Variants in SLC27A6 observed in about 807,000 individuals in gnomAD.
SLC27A6 encodes long-chain fatty acid transport protein 6.
A neutral mutation model predicts 63.9 loss-of-function variants in SLC27A6; 74 were observed. The observed-to-expected ratio is 1.16, with a 90% CI of 0.96 to 1.40. The LOEUF (loss-of-function observed/expected upper bound fraction) is 1.40, where lower values mean the gene tolerates loss of function less well. SLC27A6 is among the 40% of genes most tolerant of loss of function. The probability of loss-of-function intolerance (pLI) is 0.00; values close to 1 mark genes in which losing one functional copy is unlikely to be tolerated. For missense variants in SLC27A6, 794 were observed against 732.9 expected (o/e 1.08, Z -0.96); for synonymous variants, 287 against 260.8 (o/e 1.10, Z -0.97).
chr5:129,014,675 G>A (rs1751833909), intron 4 of SLC27A6, among the ~76,000 whole-genome samples: 1 of 152,094 alleles, frequency 6.6e-6, no homozygotes, highest in African/African-American at 2.4e-5. Flanking sequence ...GTGTAGGAAG[G>A]GCAAACTCCC....
intron 4 of SLC27A6, among the ~76,000 whole-genome samples, chr5:128,999,159 T>G (rs1311813786): frequency 6.6e-6 from 1 of 152,118 alleles, no homozygotes; most frequent in Non-Finnish European, 1.5e-5. Flanking sequence ...ATGAGTTAAC[T>G]CAAGTAGAAA....
chr5:128,998,486 T>C (rs1751232250), intron 4 of SLC27A6, among the ~76,000 whole-genome samples: 1 of 151,990 alleles, frequency 6.6e-6, no homozygotes, highest in Admixed American at 6.6e-5. Context: ...TCCATATAAA[T>C]AGATCATGAT....
intron 4 of SLC27A6, among the ~76,000 whole-genome samples, chr5:129,005,634 A>G (rs1490449714): frequency 9.0e-6 from 1 of 110,966 alleles, no homozygotes; most frequent in Non-Finnish European, 1.7e-5. Context: ...TTTTTGCGAG[A>G]CAGAGTCTCG....
At chr5:128,974,670 A>C (rs73242020) in intron 1 of SLC27A6, among the ~76,000 whole-genome samples, 363 of 152,300 alleles carry the variant, frequency 2.4e-3, no homozygotes, top group African/African-American at 8.6e-3. Context: ...TGAGGTAGAA[A>C]GATGAATCAT....
intron 4 of SLC27A6, among the ~76,000 whole-genome samples, chr5:129,002,509 C>CTTCCCTCT (rs1751377699): frequency 2.2e-5 from 2 of 90,848 alleles, no homozygotes; most frequent in South Asian, 1.1e-3. Flanking sequence ...TCTCTCGTTC[C>CTTCCCTCT]CTGGTTCCCT....
intron 9 of SLC27A6, among the ~76,000 whole-genome samples, chr5:129,030,117 C>A (rs1752369427): frequency 6.6e-6 from 1 of 151,916 alleles, no homozygotes; most frequent in South Asian, 2.1e-4. Context: ...TTTAGGCAAT[C>A]CTGCTTTTTA....
intron 4 of SLC27A6, among the ~76,000 whole-genome samples, chr5:128,997,015 C>T (rs1316316543): frequency 6.6e-6 from 1 of 152,106 alleles, no homozygotes; most frequent in Non-Finnish European, 1.5e-5. Flanking sequence ...TCTCTCATCA[C>T]ATTTTCATGT....
intron 3 of SLC27A6, 121 bp downstream of exon 3, chr5:128,988,879 A>G: frequency 1.5e-6 from 1 of 654,158 alleles, no homozygotes; most frequent in Non-Finnish European, 2.5e-6. Context: ...TTATTTTATT[A>G]TAACACAATA....
chr5:128,973,751 A>C (rs2577436), intron 1 of SLC27A6, among the ~76,000 whole-genome samples: 1 of 152,080 alleles, frequency 6.6e-6, no homozygotes, highest in African/African-American at 2.4e-5. Flanking sequence ...GCCCTGTCCT[A>C]CTTTGCTCAC....
At chr5:128,998,691 A>G (rs1580724655) in intron 4 of SLC27A6, among the ~76,000 whole-genome samples, 1 of 152,142 alleles carries the variant, frequency 6.6e-6, no homozygotes, top group Admixed American at 6.5e-5. Context: ...TTAAAAACTT[A>G]TGTCCAGGAT....
At chr5:129,013,458 T>C (rs1751791441) in intron 4 of SLC27A6, among the ~76,000 whole-genome samples, 1 of 152,178 alleles carries the variant, frequency 6.6e-6, no homozygotes, top group Non-Finnish European at 1.5e-5. Context: ...GTACTAGCTT[T>C]AAAATATTAT....
At chr5:129,018,009 T>C (rs570302367) in intron 5 of SLC27A6, among the ~76,000 whole-genome samples, 1 of 152,238 alleles carries the variant, frequency 6.6e-6, no homozygotes, top group Admixed American at 6.5e-5. Context: ...CGAAAGTACT[T>C]CCTACAGACA....
chr5:128,994,581 C>T (rs113169849), intron 4 of SLC27A6, among the ~76,000 whole-genome samples: 282 of 152,250 alleles, frequency 1.9e-3, no homozygotes, highest in East Asian at 0.018. Flanking sequence ...AGAATGAACA[C>T]GTGACATGGT....
intron 4 of SLC27A6, among the ~76,000 whole-genome samples, chr5:129,005,271 G>A (rs1481718707): frequency 2.0e-5 from 3 of 152,200 alleles, no homozygotes; most frequent in Middle Eastern, 3.4e-3. Flanking sequence ...TTAACTCCCA[G>A]TTATTTCTAA....
chr5:128,981,158 A>G (rs1010953420), intron 1 of SLC27A6, among the ~76,000 whole-genome samples: 2 of 152,118 alleles, frequency 1.3e-5, no homozygotes, highest in Admixed American at 6.5e-5. Context: ...TAAGCCTACA[A>G]TGTAGACTTT....
chr5:128,973,220 G>T (rs555730198), intron 1 of SLC27A6, among the ~76,000 whole-genome samples: 1 of 152,266 alleles, frequency 6.6e-6, no homozygotes, highest in South Asian at 2.1e-4. Context: ...TAGGCTACTC[G>T]TGGGTCAGGG....
At chr5:129,002,299 CTTCA>C (rs1319029127) in intron 4 of SLC27A6, among the ~76,000 whole-genome samples, 1 of 152,210 alleles carries the variant, frequency 6.6e-6, no homozygotes, top group Non-Finnish European at 1.5e-5. Flanking sequence ...ACTTTTTCAG[CTTCA>C]TTGAGTAAAG....
intron 1 of SLC27A6, among the ~76,000 whole-genome samples, chr5:128,980,668 C>T (rs1253863218): frequency 6.6e-6 from 1 of 152,180 alleles, no homozygotes; most frequent in Non-Finnish European, 1.5e-5. Flanking sequence ...GTGGCAAGAT[C>T]TCTAATTTCA....
At chr5:129,016,680 A>G (rs540486274) in intron 5 of SLC27A6, among the ~76,000 whole-genome samples, 1 of 152,052 alleles carries the variant, frequency 6.6e-6, no homozygotes, top group Non-Finnish European at 1.5e-5. Context: ...GCCCTGATAT[A>G]TATTGACTCT....
Sources: gnomAD v4.1 joint callset for allele counts (sites outside exome capture counted in the v4.1 genomes callset) on GRCh38, gnomAD v4.1.1 for gene constraint, MANE v1.5 for transcripts, NCBI Gene and HGNC (gene_info 2026-07-23, HGNC 2026-07-21) for gene names.